Variants in ANKRD11 observed in about 807,000 individuals in gnomAD.
ANKRD11 encodes the protein ankyrin repeat domain-containing protein 11.
A neutral mutation model predicts 195.7 loss-of-function variants in ANKRD11; 17 were observed. That is an observed-to-expected ratio of 0.09 (90% confidence interval 0.06 to 0.13). ANKRD11 has a LOEUF of 0.13. ANKRD11 is among the 10% of genes least tolerant of loss of function. The probability of loss-of-function intolerance (pLI) is 1.00; values close to 1 mark genes in which losing one functional copy is unlikely to be tolerated. For missense variants in ANKRD11, 3,735 were observed against 3,566.1 expected, an observed-to-expected ratio of 1.05 and a Z score of -1.21; for synonymous variants, 1,953 against 1,528.1, an observed-to-expected ratio of 1.28 and a Z score of -6.49.
chr16:89,391,983 G>A (rs1225628346), intron 2 of ANKRD11, among the ~76,000 whole-genome samples: 2 of 152,200 alleles, frequency 1.3e-5, no homozygotes, highest in African/African-American at 4.8e-5. Flanking sequence ...TTAGTTGAAG[G>A]TGTTTTTACC....
At chr16:89,441,614 A>C (rs1300239966) in intron 1 of ANKRD11, among the ~76,000 whole-genome samples, 5 of 151,674 alleles carry the variant, frequency 3.3e-5, no homozygotes, top group African/African-American at 1.2e-4. Flanking sequence ...AAAAATACAA[A>C]AAATTAGCTG....
intron 2 of ANKRD11, among the ~76,000 whole-genome samples, chr16:89,358,725 C>T (rs191128348): frequency 1.5e-3 from 223 of 152,324 alleles, no homozygotes; most frequent in Admixed American, 2.2e-3. Context: ...GTGCTGAGGA[C>T]GGGACATCTG....
At chr16:89,304,882 T>G (rs2036084827) in intron 4 of ANKRD11, among the ~76,000 whole-genome samples, 1 of 152,204 alleles carries the variant, frequency 6.6e-6, no homozygotes, top group Non-Finnish European at 1.5e-5. Context: ...ACTGTCTCCC[T>G]CCCGTGTCCA....
chr16:89,468,663 C>G (rs553749117), intron 1 of ANKRD11, among the ~76,000 whole-genome samples: 1 of 152,052 alleles, frequency 6.6e-6, no homozygotes, highest in African/African-American at 2.4e-5. Context: ...GCCGAGATCG[C>G]GCCACTGCAC....
At chr16:89,406,582 C>T (rs985690464) in intron 2 of ANKRD11, among the ~76,000 whole-genome samples, 1 of 152,190 alleles carries the variant, frequency 6.6e-6, no homozygotes, top group Non-Finnish European at 1.5e-5. Flanking sequence ...TTCCCCAGTG[C>T]TTATGGTCTG....
intron 7 of ANKRD11, chr16:89,286,975 T>G: frequency 1.6e-6 from 2 of 1,289,810 alleles, no homozygotes; most frequent in South Asian, 1.2e-5. Flanking sequence ...TGTGACATGT[T>G]CTATTGTTGA....
At chr16:89,349,859 AAAACAC>A (rs1458313735) in intron 2 of ANKRD11, among the ~76,000 whole-genome samples, 2 of 125,254 alleles carry the variant, frequency 1.6e-5, no homozygotes, top group Non-Finnish European at 3.3e-5. Context: ...AATACTTGTT[AAAACAC>A]ACACACACAC....
chr16:89,367,512 G>A (rs574150859), intron 2 of ANKRD11, among the ~76,000 whole-genome samples: 1 of 152,264 alleles, frequency 6.6e-6, no homozygotes, highest in African/African-American at 2.4e-5. Context: ...GGTCACCCAC[G>A]CTCCCTCTTA....
intron 4 of ANKRD11, among the ~76,000 whole-genome samples, chr16:89,293,538 C>T (rs1332038736): frequency 8.8e-6 from 1 of 113,992 alleles, no homozygotes; most frequent in African/African-American, 3.4e-5. Context: ...GGTGTTGGGG[C>T]TGCGGAGGGA....
chr16:89,436,340 A>C (rs577347742), intron 1 of ANKRD11, among the ~76,000 whole-genome samples: 30 of 152,106 alleles, frequency 2.0e-4, no homozygotes, highest in African/African-American at 7.2e-4. Context: ...GCTTAAACCC[A>C]GGAGATGGAG....
At chr16:89,383,171 A>C (rs1314055066) in intron 2 of ANKRD11, among the ~76,000 whole-genome samples, 3 of 152,190 alleles carry the variant, frequency 2.0e-5, no homozygotes, top group Non-Finnish European at 4.4e-5. Flanking sequence ...TGTGCTGCTG[A>C]GTAAAGGGAG....
chr16:89,455,515 C>G (rs1345852031), intron 1 of ANKRD11, among the ~76,000 whole-genome samples: 1 of 152,166 alleles, frequency 6.6e-6, no homozygotes, highest in Non-Finnish European at 1.5e-5. Flanking sequence ...AGCCCCAAAA[C>G]TCACTCCTTC....
At chr16:89,398,936 G>A (rs1401885675) in intron 2 of ANKRD11, among the ~76,000 whole-genome samples, 1 of 152,106 alleles carries the variant, frequency 6.6e-6, no homozygotes, top group Non-Finnish European at 1.5e-5. Context: ...CTCTGGACAA[G>A]GCCTCAAAGA....
intron 1 of ANKRD11, among the ~76,000 whole-genome samples, chr16:89,444,224 CTGTA>C (rs1567814762): frequency 6.6e-6 from 1 of 152,018 alleles, no homozygotes; most frequent in Non-Finnish European, 1.5e-5. Flanking sequence ...AAACAACACT[CTGTA>C]TGCCCTTCCA....
intron 2 of ANKRD11, among the ~76,000 whole-genome samples, chr16:89,363,034 G>C (rs567539928): frequency 1.3e-5 from 2 of 151,874 alleles, no homozygotes; most frequent in East Asian, 1.9e-4. Context: ...TGGCAAAACT[G>C]CTGGCGAGTG....
chr16:89,308,945 G>A (rs1021265217), intron 3 of ANKRD11, among the ~76,000 whole-genome samples: 5 of 152,144 alleles, frequency 3.3e-5, no homozygotes, highest in East Asian at 3.9e-4. Flanking sequence ...CAGATGCAGC[G>A]GGCAACCAAG....
chr16:89,482,816 A>G (rs1413637843), intron 1 of ANKRD11, among the ~76,000 whole-genome samples: 1 of 152,218 alleles, frequency 6.6e-6, no homozygotes, highest in Non-Finnish European at 1.5e-5. Flanking sequence ...AGCAGGAGTC[A>G]GAGAGATGCC....
At chr16:89,468,706 C>CA (rs879541277) in intron 1 of ANKRD11, among the ~76,000 whole-genome samples, 22 of 150,706 alleles carry the variant, frequency 1.5e-4, no homozygotes, top group Admixed American at 2.7e-4. Context: ...GACGCTATCT[C>CA]AAAAAAAAAG....
At chr16:89,314,625 G>C (rs1459839828) in intron 3 of ANKRD11, among the ~76,000 whole-genome samples, 1 of 152,162 alleles carries the variant, frequency 6.6e-6, no homozygotes, top group Non-Finnish European at 1.5e-5. Context: ...GCCTGCTGGT[G>C]TGTCAAGCGG....
Sources: allele counts gnomAD v4.1 joint callset (sites outside exome capture counted in the v4.1 genomes callset), GRCh38; gene constraint gnomAD v4.1.1; transcripts MANE v1.5; gene names NCBI Gene and HGNC (gene_info 2026-07-23, HGNC 2026-07-21).